Variants in TMED10 observed in about 807,000 individuals in gnomAD.
TMED10 encodes transmembrane emp24 domain-containing protein 10.
In TMED10, 7 loss-of-function variants were observed where a neutral mutation model predicts 23.1. The observed-to-expected ratio is 0.30, with a 90% CI of 0.17 to 0.57. TMED10 has a LOEUF of 0.57. TMED10 is among the 20% of genes least tolerant of loss of function. The probability of loss-of-function intolerance (pLI) is 0.91; values close to 1 mark genes in which losing one functional copy is unlikely to be tolerated. For synonymous variants in TMED10, 113 were observed against 106.9 expected, an observed-to-expected ratio of 1.06 and a Z score of -0.35; for missense variants, 162 against 274.8, an observed-to-expected ratio of 0.59 and a Z score of 2.90.
chr14:75,167,712 G>A (rs1248364414), intron 1 of TMED10, among the ~76,000 whole-genome samples: 1 of 152,216 alleles, frequency 6.6e-6, no homozygotes, highest in Non-Finnish European at 1.5e-5. Context: ...CAAATTTTCA[G>A]CCAGGTGCAG....
chr14:75,162,065 GA>G (rs1323563563), intron 1 of TMED10, among the ~76,000 whole-genome samples: 1 of 152,096 alleles, frequency 6.6e-6, no homozygotes, highest in Non-Finnish European at 1.5e-5. Flanking sequence ...AGGAGTTCAA[GA>G]CCAGCCTGGC....
At chr14:75,161,427 CT>C (rs1202067168) in intron 1 of TMED10, among the ~76,000 whole-genome samples, 1 of 152,112 alleles carries the variant, frequency 6.6e-6, no homozygotes, top group Non-Finnish European at 1.5e-5. Flanking sequence ...TCTAAGTTTT[CT>C]GGAAGCCAAA....
Position 75,176,599 on chromosome 14 carries a change from C to T in TMED10, c.-20G>A. ...AGACATGGTGCTGGAGACTCGTTCA[C>T]CACCGAAGGCCTCAACCGCGCCGGA... is the stretch of plus-strand genomic sequence containing the variant. On this transcript the variant is annotated 5_prime_UTR_variant, in exon 1 of 5. It adds an upstream start codon to the 5' untranslated region. Coordinates refer to ENST00000303575, the MANE Select transcript of TMED10 (RefSeq NM_006827.6). 6.2e-7 allele frequency: 1 copy of T among 1,613,358 alleles called. No homozygotes were observed. Among genetic ancestry groups the T allele is most frequent in the Non-Finnish European group, 8.5e-7 (1 of 1,179,530 alleles).
At chr14:75,175,466 A>C (rs1233048329) in intron 1 of TMED10, among the ~76,000 whole-genome samples, 5 of 152,212 alleles carry the variant, frequency 3.3e-5, no homozygotes, top group Non-Finnish European at 5.9e-5. Context: ...TACCAAACTA[A>C]GTAAGAATCT....
intron 1 of TMED10, among the ~76,000 whole-genome samples, chr14:75,171,810 C>G (rs1239055184): frequency 6.6e-6 from 1 of 152,182 alleles, no homozygotes; most frequent in Non-Finnish European, 1.5e-5. Context: ...CAATAGGACA[C>G]TAAGACACAC....
chr14:75,150,350 T>C (rs1319358971), intron 2 of TMED10, among the ~76,000 whole-genome samples: 2 of 152,200 alleles, frequency 1.3e-5, no homozygotes, highest in African/African-American at 2.4e-5. Context: ...TACTTCCTCA[T>C]TGAAAAAGTT....
chr14:75,163,082 A>ATT (rs1896103901), intron 1 of TMED10, among the ~76,000 whole-genome samples: 2 of 147,262 alleles, frequency 1.4e-5, no homozygotes, highest in Non-Finnish European at 3.0e-5. Context: ...AAATAATTAA[A>ATT]AAAAAAAAAA....
At chr14:75,141,408 T>G (rs532219584) in intron 3 of TMED10, among the ~76,000 whole-genome samples, 5 of 151,692 alleles carry the variant, frequency 3.3e-5, no homozygotes, top group African/African-American at 1.2e-4. Flanking sequence ...TTGGGGAGGG[T>G]AGGGGATAAT....
At chr14:75,153,078 C>A (rs921603516) in intron 1 of TMED10, among the ~76,000 whole-genome samples, 1 of 152,018 alleles carries the variant, frequency 6.6e-6, no homozygotes, top group Non-Finnish European at 1.5e-5. Flanking sequence ...GCCAAGATTG[C>A]GCCACTGCAC....
intron 1 of TMED10, among the ~76,000 whole-genome samples, chr14:75,163,670 G>C (rs1896113745): frequency 6.6e-6 from 1 of 151,810 alleles, no homozygotes; most frequent in Non-Finnish European, 1.5e-5. Context: ...CAGACTTTCT[G>C]GTCCGTGCTC....
intron 1 of TMED10, among the ~76,000 whole-genome samples, chr14:75,171,247 GGA>G (rs1175325732): frequency 6.6e-6 from 1 of 151,864 alleles, no homozygotes; most frequent in East Asian, 1.9e-4. Context: ...GGAAGGAAAG[GGA>G]GAGAGTTAAA....
At chr14:75,164,560 TATATATATATATATA>T (rs1566675213) in intron 1 of TMED10, among the ~76,000 whole-genome samples, 15 of 5,590 alleles carry the variant, frequency 2.7e-3, no homozygotes, top group African/African-American at 6.1e-3. Flanking sequence ...TATATATATA[TATATATATATATATA>T]TATTTTTTTT....
intron 1 of TMED10, among the ~76,000 whole-genome samples, chr14:75,156,205 T>A (rs1377516971): frequency 6.6e-6 from 1 of 152,124 alleles, no homozygotes; most frequent in Non-Finnish European, 1.5e-5. Flanking sequence ...GGGACACTAT[T>A]CCAGTACTCC....
chr14:75,136,009 C>G (rs1396465715), intron 3 of TMED10, 123 bp from the exon 4 acceptor site: 1 of 1,366,450 alleles, frequency 7.3e-7, no homozygotes, highest in Admixed American at 2.7e-5. Flanking sequence ...TATCAATCAT[C>G]CTAACATATT....
intron 3 of TMED10, among the ~76,000 whole-genome samples, chr14:75,146,916 TAG>T: frequency 6.6e-6 from 1 of 151,606 alleles, no homozygotes. Context: ...CCCAGATAGA[TAG>T]ATAGATAGAT....
chr14:75,159,159 C>A (rs1406757173), intron 1 of TMED10, among the ~76,000 whole-genome samples: 1 of 152,156 alleles, frequency 6.6e-6, no homozygotes, highest in Non-Finnish European at 1.5e-5. Context: ...AGGTAGACAG[C>A]AGGAATAACA....
At position 75,164,555 on chromosome 14, in the gene TMED10, ATATATATATATATATATATATATTTT is replaced by A. The variant is rs1268504076; in HGVS notation, c.225+11774_225+11799del. On this transcript the variant is annotated intron_variant, in intron 1 of 4. Transcript: ENST00000303575. ...CTAATATATATATATATATATATAT[ATATATATATATATATATATATATTTT>A]TTTTTTTTTTTTTGTATTTTTAGAA... 2.7e-3 allele frequency among the ~76,000 whole-genome samples: 34 copies of A among 12,428 alleles called. 3 individuals are homozygous for A. Among genetic ancestry groups the A allele is most frequent in the African/African-American group, 4.7e-3 (28 of 6,016 alleles). The allele number at this position is 12,428 out of a possible 152,430, so 8.2% of individuals were successfully genotyped here.
rs578077876 is a variant in TMED10 at position 75,135,902 on chromosome 14, A to G, written c.412-16T>C. On this transcript the variant is annotated splice_polypyrimidine_tract_variant and intron_variant, in intron 3 of 4. Coordinates refer to ENST00000303575, the MANE Select transcript of TMED10 (RefSeq NM_006827.6). ...CTTTTGCAATCTGGAAAAGAATGGA[A>G]TATTTTCAGCTCTCTGAAAACATCG... The G allele has an allele frequency of 1.3e-5, 21 of 1,613,058 alleles. 2 individuals are homozygous for G. In the Admixed American group the frequency reaches 2.5e-4, roughly 19 times the overall value.
chr14:75,145,588 C>A (rs985225471), intron 3 of TMED10, among the ~76,000 whole-genome samples: 3 of 152,112 alleles, frequency 2.0e-5, no homozygotes, highest in African/African-American at 4.8e-5. Flanking sequence ...GAGATCGAGA[C>A]CATCCTGGCT....
Sources: gnomAD v4.1 joint callset for allele counts (sites outside exome capture counted in the v4.1 genomes callset) on GRCh38, gnomAD v4.1.1 for gene constraint, MANE v1.5 for transcripts, NCBI Gene and HGNC (gene_info 2026-07-23, HGNC 2026-07-21) for gene names.